The following BRD1 variants were observed in gnomAD, a reference collection of about 807,000 sequenced individuals.
The protein encoded by BRD1 is bromodomain containing 1, also known as bromodomain-containing protein 1.
Under a neutral mutation model 107.7 loss-of-function variants are expected in BRD1, and 24 were observed. The observed-to-expected ratio is 0.22, with a 90% CI of 0.16 to 0.31. BRD1 has a LOEUF of 0.31. Ranked by LOEUF, BRD1 falls within the 10% of genes least tolerant of loss-of-function variation. The pLI is 1.00. For missense variants in BRD1, 1,279 were observed against 1,638.6 expected, an observed-to-expected ratio of 0.78 and a Z score of 3.79; for synonymous variants, 744 against 686.1, an observed-to-expected ratio of 1.08 and a Z score of -1.32.
At chr22:49,776,005 G>T (rs754929122) in intron 11 of BRD1, 45 bp downstream of exon 11, 2 of 1,557,926 alleles carry the variant, frequency 1.3e-6, no homozygotes, top group East Asian at 4.5e-5. Context: ...CCGCAGCTGT[G>T]TGAGCCTCCT....
In BRD1 at chr22:49,783,951, C is replaced by T. The variant is rs2059266332; in HGVS notation, c.2857+3439G>A. Among the ~76,000 whole-genome samples the T allele has an allele frequency of 6.6e-6, 1 of 152,194 alleles. No homozygotes were observed. Among genetic ancestry groups the T allele is most frequent in the Non-Finnish European group, 1.5e-5 (1 of 68,036 alleles). On this transcript the variant is annotated intron_variant, in intron 8 of 12. Transcript: ENST00000404760. The surrounding 1 kb of genome is among the most constrained non-coding windows in gnomAD (Gnocchi z 4.2). ...TGATTAGGGTCCAAAGAGTGAACTA[C>T]CCAGCACATTAGTGGTTAAAGTGAG...
chr22:49,793,960 G>T lies in BRD1; in HGVS notation c.2359+74C>A, dbSNP rs1279169060. ...ACACCAACGCTGCTGCCCGTGTCTG[G>T]GTCTGTGCCTGTGCCTGTGCCTGAG... On this transcript the variant is annotated intron_variant, in intron 7 of 12. Transcript: ENST00000404760. 5.2e-6 allele frequency: 8 copies of T among 1,539,080 alleles called. No homozygotes were observed. In the Admixed American group the frequency reaches 5.6e-5, roughly 11 times the overall value.
chr22:49,797,738 C>A, intron 6 of BRD1, 67 bp downstream of exon 6: 1 of 1,473,064 alleles, frequency 6.8e-7, no homozygotes, highest in South Asian at 1.4e-5. Flanking sequence ...GCTGGCAACA[C>A]AGAGCAGGAC....
At chr22:49,776,968 CAGTCGAGCCCTAAG>C in intron 10 of BRD1, 52 bp downstream of exon 10, 1 of 1,597,930 alleles carries the variant, frequency 6.3e-7, no homozygotes, top group Non-Finnish European at 8.5e-7. Flanking sequence ...CAGTCCCCAG[CAGTCGAGCCCTAAG>C]ACGCTAACCA....
At chr22:49,811,837 G>A (rs1034844710) in intron 2 of BRD1, among the ~76,000 whole-genome samples, 5 of 152,332 alleles carry the variant, frequency 3.3e-5, no homozygotes, top group East Asian at 3.9e-4. Context: ...GAATTCAGCC[G>A]GCGGTGCTGA....
chr22:49,786,989 G>C (rs2059337955), intron 8 of BRD1, among the ~76,000 whole-genome samples: 1 of 152,062 alleles, frequency 6.6e-6, no homozygotes, highest in Non-Finnish European at 1.5e-5. Context: ...AGCTACACAA[G>C]AGGCTGAGGC....
intron 2 of BRD1, among the ~76,000 whole-genome samples, chr22:49,819,503 T>C (rs554037731): frequency 6.6e-6 from 1 of 152,014 alleles, no homozygotes; most frequent in South Asian, 2.1e-4. Context: ...TAGTGAGCCA[T>C]AACCATGCCA....
rs2059451369 is a variant in BRD1, at chr22:49,792,364, C to G, written c.2359+1670G>C. Among the ~76,000 whole-genome samples, 1 of 152,208 alleles carries G rather than the reference C, an allele frequency of 6.6e-6. No individual in the cohort carries two copies. Among genetic ancestry groups the G allele is most frequent in the Non-Finnish European group, 1.5e-5 (1 of 68,034 alleles). ...CAGTCCACCTAGAGGGAGGCCCACACAGCCAGAGGATGCCTCGGTGGGCTG... is the reference window on the plus strand; with the variant it reads ...CAGTCCACCTAGAGGGAGGCCCACAGAGCCAGAGGATGCCTCGGTGGGCTG... On this transcript the variant is annotated intron_variant, in intron 7 of 12. Coordinates refer to ENST00000404760, the MANE Select transcript of BRD1 (RefSeq NM_001304808.3). The surrounding 1 kb of genome is among the most constrained non-coding windows in gnomAD (Gnocchi z 4.2).
rs373812469 is a variant in BRD1, at chr22:49,824,664, G to A, written c.-14-333C>T. ...AACGCTCCCCAAGGAGGAGGGGTCCGGCCCAGAGCCCACAGTTGCAGGACT... is the reference window on the plus strand; with the variant it reads ...AACGCTCCCCAAGGAGGAGGGGTCCAGCCCAGAGCCCACAGTTGCAGGACT... On this transcript the variant is annotated intron_variant, in intron 1 of 12. Coordinates refer to ENST00000404760, the MANE Select transcript of BRD1 (RefSeq NM_001304808.3). The surrounding 1 kb of genome is among the most constrained non-coding windows in gnomAD (Gnocchi z 5.9). The A allele has an allele frequency of 1.6e-5, 18 of 1,123,494 alleles. No individual in the cohort carries two copies. The South Asian group carries it at 2.4e-4, about 15-fold the overall frequency. 69.6% of individuals were successfully genotyped at this position (1,123,494 alleles called of 1,614,324 possible).
chr22:49,775,831 C>CCCCA, intron 11 of BRD1, 86 bp from the exon 12 acceptor site: 1 of 961,230 alleles, frequency 1.0e-6, no homozygotes, highest in Admixed American at 2.7e-5. Flanking sequence ...CCCCGCCTCC[C>CCCCA]CACCCCAGCT....
intron 5 of BRD1, 76 bp from the exon 6 acceptor site, chr22:49,798,193 A>T (rs2059570917): frequency 7.2e-7 from 1 of 1,392,170 alleles, no homozygotes; most frequent in Non-Finnish European, 9.8e-7. Flanking sequence ...ATTATTCCAT[A>T]TAACCCACAA....
At chr22:49,789,871 C>T (rs1478611081) in intron 7 of BRD1, among the ~76,000 whole-genome samples, 1 of 152,192 alleles carries the variant, frequency 6.6e-6, no homozygotes, top group Non-Finnish European at 1.5e-5. Context: ...CTCCAGCTCT[C>T]GGCCCAGCTA....
chr22:49,813,501 C>G (rs938251771), intron 2 of BRD1, among the ~76,000 whole-genome samples: 1 of 150,282 alleles, frequency 6.7e-6, no homozygotes, highest in African/African-American at 2.4e-5. Flanking sequence ...GGATTACAGG[C>G]GTGAGCCACC....
chr22:49,816,482 G>A (rs2059954657), intron 2 of BRD1, among the ~76,000 whole-genome samples: 1 of 152,182 alleles, frequency 6.6e-6, no homozygotes. Context: ...CAGGTCAACA[G>A]CCTGGGGCTG....
At chr22:49,822,086 G>A (rs529565048) in intron 2 of BRD1, among the ~76,000 whole-genome samples, 10 of 152,364 alleles carry the variant, frequency 6.6e-5, no homozygotes, top group East Asian at 3.9e-4. Context: ...GAGTTCCTGC[G>A]TGGGCTTCAT....
In BRD1 at chr22:49,797,965, G is replaced by A. The variant is rs921697343; in HGVS notation, c.1938C>T (p.Thr646=). 19 of 1,614,172 alleles carry A rather than the reference G, an allele frequency of 1.2e-5. No homozygotes were observed. The East Asian group carries it at 2.0e-4, about 17-fold the overall frequency. ...DNCMKYNARD[T]VFYRAAVRLR... ...GCCTCACCGCGGCTCTATAGAACAC[G>A]GTGTCCCTGGCATTGTACTTCATGC... is the stretch of plus-strand genomic sequence containing the variant. Residue 646 remains threonine, a synonymous_variant, in exon 6 of 13, where the codon ACC becomes ACT. Coordinates refer to ENST00000404760, the MANE Select transcript of BRD1 (RefSeq NM_001304808.3).
intron 8 of BRD1, among the ~76,000 whole-genome samples, chr22:49,784,424 G>T (rs1169206952): frequency 1.3e-5 from 2 of 152,208 alleles, no homozygotes; most frequent in Admixed American, 1.3e-4. Context: ...CTGCTGGTGA[G>T]CGTGCAGTCA....
chr22:49,806,079 G>GT (rs1203852411), intron 2 of BRD1: 1 of 152,014 alleles, frequency 6.6e-6, no homozygotes, highest in Non-Finnish European at 1.5e-5. Flanking sequence ...TGAAGATGGG[G>GT]TTTTGCTATG....
intron 12 of BRD1, 147 bp from the exon 13 acceptor site, chr22:49,774,563 C>A: frequency 2.2e-6 from 2 of 904,460 alleles, no homozygotes; most frequent in Non-Finnish European, 1.6e-6. Context: ...CGTGCAGGGA[C>A]AGGCCCGAGG....
Sources: allele counts gnomAD v4.1 joint callset (sites outside exome capture counted in the v4.1 genomes callset), GRCh38; gene constraint gnomAD v4.1.1; non-coding constraint Gnocchi (gnomAD v3.1); transcripts MANE v1.5; gene names NCBI Gene and HGNC (gene_info 2026-07-23, HGNC 2026-07-21).